Variants in RABL2A observed in about 807,000 individuals in gnomAD.
RABL2A encodes the protein RAB, member of RAS oncogene family like 2A.
In RABL2A, 17 loss-of-function variants were observed where a neutral mutation model predicts 30.7. The observed-to-expected ratio is 0.55, with a 90% CI of 0.38 to 0.83. The LOEUF is 0.83. RABL2A is among the 40% of genes least tolerant of loss of function. The pLI is 0.00. For synonymous variants in RABL2A, 64 were observed against 101.8 expected, an observed-to-expected ratio of 0.63 and a Z score of 2.24; for missense variants, 155 against 272.6, an observed-to-expected ratio of 0.57 and a Z score of 3.04.
chr2:113,641,564 G>C, intron 7 of RABL2A, 114 bp downstream of exon 7: 2 of 1,609,206 alleles, frequency 1.2e-6, no homozygotes, highest in South Asian at 1.1e-5. Context: ...CAGTGCATGG[G>C]CCTGGGTGGC....
intron 5 of RABL2A, among the ~76,000 whole-genome samples, chr2:113,636,170 T>C (rs1309717514): frequency 6.6e-6 from 1 of 152,084 alleles, no homozygotes; most frequent in African/African-American, 2.4e-5. Flanking sequence ...TAGACTAGTC[T>C]TCTGAATTAT....
chr2:113,633,046 A>G, intron 3 of RABL2A, 102 bp downstream of exon 3: 2 of 1,578,992 alleles, frequency 1.3e-6, no homozygotes, highest in South Asian at 1.1e-5. Context: ...GCCCAGGAAC[A>G]GGAAGGAGGA....
intron 2 of RABL2A, among the ~76,000 whole-genome samples, chr2:113,630,192 A>G (rs1573947035): frequency 6.6e-6 from 1 of 152,336 alleles, no homozygotes; most frequent in African/African-American, 2.4e-5. Context: ...ACAATTAGAA[A>G]ACAAGCCAGT....
chr2:113,640,594 C>T (rs1684756878), intron 5 of RABL2A: 1 of 359,896 alleles, frequency 2.8e-6, no homozygotes, highest in African/African-American at 2.1e-5. Context: ...CCAGGCTGGT[C>T]TCAAACTCCT....
rs1420819858 is a variant in RABL2A, at chr2:113,642,862, G to A, written c.*733G>A. 4.3e-5 allele frequency: 12 copies of A among 276,144 alleles called. No homozygotes were observed. Among genetic ancestry groups the A allele is most frequent in the Middle Eastern group, 1.4e-3 (1 of 728 alleles). The allele number at this position is 276,144 out of a possible 1,614,324, so 17.1% of individuals were successfully genotyped here. The stretch of plus-strand genomic sequence containing the variant: ...AGGATGGTCTCGATCTCCTCACCTC[G>A]TGATCCGCCCGCCTCGGCCTCCCAA... On this transcript the variant is annotated 3_prime_UTR_variant, in exon 9 of 9. Transcript: ENST00000683472.
At chr2:113,632,447 C>T (rs1288313633) in intron 2 of RABL2A, among the ~76,000 whole-genome samples, 5 of 152,214 alleles carry the variant, frequency 3.3e-5, no homozygotes, top group South Asian at 4.1e-4. Flanking sequence ...AGGCGTGTGT[C>T]GCCACACCTG....
rs1211427958 is a variant in RABL2A, at chr2:113,642,765, C to T, written c.*636C>T. The T allele has an allele frequency of 3.1e-5, 6 of 195,864 alleles. No individual in the cohort carries two copies. The highest frequency in any genetic ancestry group is 5.5e-5 in the Admixed American group (1 of 18,248). The allele number at this position is 195,864 out of a possible 1,614,324, so 12.1% of individuals were successfully genotyped here. A position where few individuals can be genotyped will look rare whatever the true frequency, so the allele number is the denominator to read the frequency against. ...AAACGATTCTCCTGCCTCAGCCTCC[C>T]GAGTGGCTGGCATCACCACGCCCAG... On this transcript the variant is annotated 3_prime_UTR_variant, in exon 9 of 9. Transcript: ENST00000683472.
intron 2 of RABL2A, among the ~76,000 whole-genome samples, chr2:113,630,011 TG>T (rs1004535346): frequency 5.8e-4 from 88 of 152,288 alleles, no homozygotes; most frequent in African/African-American, 2.1e-3. Flanking sequence ...TAGAGCAAAT[TG>T]CCACTTTAAT....
chr2:113,637,386 A>T (rs1349923092), intron 5 of RABL2A: 1 of 1,039,158 alleles, frequency 9.6e-7, no homozygotes, highest in African/African-American at 1.6e-5. Flanking sequence ...TGCACCACTG[A>T]TCCCTTCCAC....
intron 2 of RABL2A, among the ~76,000 whole-genome samples, chr2:113,630,976 C>T (rs56020924): frequency 0.022 from 3,396 of 152,188 alleles, 147 homozygotes; most frequent in African/African-American, 0.076. Context: ...CGGCTCACTG[C>T]AACCTCCGCC....
chr2:113,636,784 C>T (rs571748428), intron 5 of RABL2A, among the ~76,000 whole-genome samples: 120 of 152,094 alleles, frequency 7.9e-4, no homozygotes, highest in African/African-American at 2.6e-3. Flanking sequence ...GTCAGGAGAT[C>T]GAGACCATCC....
intron 7 of RABL2A, 141 bp downstream of exon 7, chr2:113,641,591 G>C (rs1685190157): frequency 1.3e-6 from 2 of 1,560,544 alleles, no homozygotes; most frequent in Admixed American, 3.6e-5. Flanking sequence ...GGGAGGAGCT[G>C]ATGGGCCTGG....
chr2:113,632,325 C>T (rs540620449), intron 2 of RABL2A, among the ~76,000 whole-genome samples: 2 of 152,302 alleles, frequency 1.3e-5, no homozygotes, highest in East Asian at 3.9e-4. Context: ...GTGACCAAGT[C>T]TGCCTAATTT....
At chr2:113,635,261 TG>T in intron 5 of RABL2A, 131 bp downstream of exon 5, 1 of 856,674 alleles carries the variant, frequency 1.2e-6, no homozygotes, top group Admixed American at 2.1e-5. Context: ...CACCCGGGGA[TG>T]TTTCAAACCA....
chr2:113,632,766 A>G, intron 2 of RABL2A, 149 bp from the exon 3 acceptor site: 1 of 1,142,000 alleles, frequency 8.8e-7, no homozygotes, highest in Non-Finnish European at 1.3e-6. Context: ...CCCAATTTCC[A>G]GACTTGACCC....
intron 2 of RABL2A, among the ~76,000 whole-genome samples, chr2:113,631,764 G>A (rs1240062911): frequency 6.6e-6 from 1 of 151,478 alleles, no homozygotes; most frequent in Non-Finnish European, 1.5e-5. Flanking sequence ...CACTGCTTCT[G>A]CTTGGATGAG....
intron 5 of RABL2A, chr2:113,637,864 G>A: frequency 1.6e-6 from 2 of 1,247,994 alleles, no homozygotes; most frequent in East Asian, 5.6e-5. Flanking sequence ...TCTTCTGAAG[G>A]CCTGGGGTGT....
chr2:113,638,071 C>G (rs933804038), intron 5 of RABL2A: 6 of 985,324 alleles, frequency 6.1e-6, no homozygotes, highest in African/African-American at 1.7e-5. Flanking sequence ...CTCCTCAGCT[C>G]TCAAAACAAG....
At chr2:113,631,323 T>C (rs1680248217) in intron 2 of RABL2A, among the ~76,000 whole-genome samples, 2 of 152,146 alleles carry the variant, frequency 1.3e-5, no homozygotes, top group South Asian at 4.2e-4. Context: ...CCTATCATCG[T>C]TGTGCAAAGA....
Sources: allele counts gnomAD v4.1 joint callset (sites outside exome capture counted in the v4.1 genomes callset), GRCh38; gene constraint gnomAD v4.1.1; transcripts MANE v1.5; gene names NCBI Gene and HGNC (gene_info 2026-07-23, HGNC 2026-07-21).